The following UNC5B variants were observed in gnomAD, a reference collection of about 807,000 sequenced individuals.
UNC5B encodes unc-5 netrin receptor B.
Under a neutral mutation model 103.7 loss-of-function variants are expected in UNC5B, and 56 were observed. The observed-to-expected ratio is 0.54, with a 90% confidence interval of 0.44 to 0.67. The LOEUF is 0.67. UNC5B is among the 30% of genes least tolerant of loss of function. The probability of loss-of-function intolerance (pLI) is 0.00; values close to 1 mark genes in which losing one functional copy is unlikely to be tolerated. For missense variants in UNC5B, 1,194 were observed against 1,284.5 expected, an observed-to-expected ratio of 0.93 and a Z score of 1.08; for synonymous variants, 577 against 542.0, an observed-to-expected ratio of 1.06 and a Z score of -0.90.
chr10:71,237,551 G>A (rs2132255923), intron 1 of UNC5B, among the ~76,000 whole-genome samples: 1 of 152,198 alleles, frequency 6.6e-6, no homozygotes, highest in African/African-American at 2.4e-5. Flanking sequence ...AGAGCAGTGA[G>A]ACGTCAATAA....
chr10:71,225,874 T>C (rs1843552657), intron 1 of UNC5B, among the ~76,000 whole-genome samples: 1 of 113,474 alleles, frequency 8.8e-6, no homozygotes, highest in Admixed American at 8.3e-5. Flanking sequence ...CTGCAGACAC[T>C]ACCTGCTGGC....
intron 2 of UNC5B, among the ~76,000 whole-genome samples, chr10:71,283,247 G>A (rs1353065480): frequency 1.3e-5 from 2 of 152,250 alleles, no homozygotes; most frequent in East Asian, 3.8e-4. Flanking sequence ...CCCTCTCTGA[G>A]CCTCAGTTTC....
intron 15 of UNC5B, among the ~76,000 whole-genome samples, chr10:71,297,449 C>T (rs756037477): frequency 3.7e-4 from 57 of 152,218 alleles, no homozygotes; most frequent in Non-Finnish European, 7.5e-4. Flanking sequence ...GATTTAAAAA[C>T]CCAGGCCACC....
chr10:71,295,748 C>G, intron 13 of UNC5B, 63 bp from the exon 14 acceptor site: 1 of 1,574,272 alleles, frequency 6.4e-7, no homozygotes, highest in East Asian at 2.3e-5. Flanking sequence ...CCGCACAGTG[C>G]CACAGAAGAG....
intron 2 of UNC5B, among the ~76,000 whole-genome samples, chr10:71,281,395 C>T (rs1025089898): frequency 9.0e-4 from 136 of 150,430 alleles, no homozygotes; most frequent in African/African-American, 3.3e-3. Flanking sequence ...GGCTAGAGTA[C>T]AGTGGCGCAA....
intron 2 of UNC5B, among the ~76,000 whole-genome samples, chr10:71,284,135 G>GA (rs987979460): frequency 2.0e-5 from 3 of 152,204 alleles, no homozygotes; most frequent in African/African-American, 7.2e-5. Flanking sequence ...TGGGAGTGCC[G>GA]AGCAGTGCTG....
chr10:71,255,197 G>T (rs1844262693), intron 1 of UNC5B, among the ~76,000 whole-genome samples: 2 of 152,168 alleles, frequency 1.3e-5, no homozygotes, highest in Non-Finnish European at 2.9e-5. Context: ...TCCCTTTGTT[G>T]GGTATCTTAC....
intron 1 of UNC5B, among the ~76,000 whole-genome samples, chr10:71,265,375 G>A (rs1472928425): frequency 6.6e-6 from 1 of 152,138 alleles, no homozygotes; most frequent in Non-Finnish European, 1.5e-5. Flanking sequence ...CAGGCTGAGG[G>A]CATCAGGGGT....
intron 1 of UNC5B, among the ~76,000 whole-genome samples, chr10:71,245,963 G>A (rs952858811): frequency 3.3e-5 from 5 of 152,210 alleles, no homozygotes; most frequent in African/African-American, 4.8e-5. Flanking sequence ...ATTTCTGGGC[G>A]TCATGGCTCC....
intron 1 of UNC5B, among the ~76,000 whole-genome samples, chr10:71,218,814 A>G (rs1339434008): frequency 1.3e-5 from 2 of 152,174 alleles, no homozygotes; most frequent in Non-Finnish European, 2.9e-5. Flanking sequence ...GTTCTCCTCT[A>G]GAGTTTGCTG....
intron 1 of UNC5B, among the ~76,000 whole-genome samples, chr10:71,275,142 G>A (rs1316432980): frequency 6.6e-6 from 1 of 152,238 alleles, no homozygotes; most frequent in Admixed American, 6.5e-5. Context: ...TTACATCTGT[G>A]CAGGGATGTG....
At chr10:71,291,202 C>T in intron 9 of UNC5B, 93 bp downstream of exon 9, 1 of 1,460,516 alleles carries the variant, frequency 6.8e-7, no homozygotes, top group Non-Finnish European at 9.3e-7. Flanking sequence ...TCCTGACTCC[C>T]TCCCAGGGTT....
At chr10:71,257,777 C>T (rs564614492) in intron 1 of UNC5B, among the ~76,000 whole-genome samples, 13 of 152,224 alleles carry the variant, frequency 8.5e-5, no homozygotes, top group African/African-American at 1.7e-4. Flanking sequence ...AAAGAGGAAC[C>T]TCTGTCCCCT....
chr10:71,299,901 T>C lies in UNC5B; in HGVS notation c.*624T>C, dbSNP rs1465333039. ...AAACGCAAACGATTTATTATCCAGA[T>C]TATTTGGATAAGTCCTTTTTAAGAA... is the stretch of plus-strand genomic sequence containing the variant. On this transcript the variant is annotated 3_prime_UTR_variant, in exon 17 of 17. Coordinates refer to ENST00000335350, the MANE Select transcript of UNC5B (RefSeq NM_170744.5). The C allele has an allele frequency of 6.7e-6, 1 of 149,476 alleles. No individual in the cohort carries two copies. The highest frequency in any genetic ancestry group is 1.5e-5 in the Non-Finnish European group (1 of 67,818). 9.3% of individuals were successfully genotyped at this position (149,476 alleles called of 1,614,324 possible).
intron 15 of UNC5B, among the ~76,000 whole-genome samples, chr10:71,297,499 A>G (rs777548687): frequency 3.0e-4 from 45 of 152,206 alleles, no homozygotes; most frequent in Non-Finnish European, 5.1e-4. Flanking sequence ...GGGCATTGTA[A>G]AGAGCACTGG....
intron 1 of UNC5B, among the ~76,000 whole-genome samples, chr10:71,279,400 C>A (rs1216836398): frequency 6.6e-6 from 1 of 152,206 alleles, no homozygotes; most frequent in Non-Finnish European, 1.5e-5. Context: ...GCTCCAGCCC[C>A]GTTTCCAGCC....
At chr10:71,224,364 G>GACGCGCACAC (rs1197780490) in intron 1 of UNC5B, among the ~76,000 whole-genome samples, 8 of 97,278 alleles carry the variant, frequency 8.2e-5, no homozygotes, top group Admixed American at 3.2e-4. Flanking sequence ...TCTGTATGTA[G>GACGCGCACAC]ACACACACAC....
intron 1 of UNC5B, among the ~76,000 whole-genome samples, chr10:71,237,834 A>G (rs1255928216): frequency 6.6e-6 from 1 of 152,222 alleles, no homozygotes; most frequent in Non-Finnish European, 1.5e-5. Flanking sequence ...TGGAAATGGT[A>G]AAACCTCAGC....
intron 1 of UNC5B, among the ~76,000 whole-genome samples, chr10:71,215,430 C>T (rs192350112): frequency 2.8e-4 from 42 of 152,282 alleles, no homozygotes; most frequent in African/African-American, 8.9e-4. Context: ...TCCAAGCTCC[C>T]CTCAAGTGGC....
Sources: gnomAD v4.1 joint callset for allele counts (sites outside exome capture counted in the v4.1 genomes callset) on GRCh38, gnomAD v4.1.1 for gene constraint, MANE v1.5 for transcripts, NCBI Gene and HGNC (gene_info 2026-07-23, HGNC 2026-07-21) for gene names.